Variants in CHN1 observed in about 807,000 individuals in gnomAD.
CHN1 encodes chimerin 1, also known as N-chimaerin.
Under a neutral mutation model 59.5 loss-of-function variants are expected in CHN1, and 37 were observed. The observed-to-expected ratio is 0.62, with a 90% CI of 0.48 to 0.82. The LOEUF is 0.82. Ranked by LOEUF, CHN1 falls within the 40% of genes least tolerant of loss-of-function variation. CHN1 has a pLI of 0.00. For missense variants in CHN1, 469 were observed against 571.0 expected, an observed-to-expected ratio of 0.82 and a Z score of 1.82; for synonymous variants, 206 against 200.4, an observed-to-expected ratio of 1.03 and a Z score of -0.24.
intron 1 of CHN1, among the ~76,000 whole-genome samples, chr2:174,959,875 G>A (rs1690342291): frequency 6.6e-6 from 1 of 152,208 alleles, no homozygotes; most frequent in African/African-American, 2.4e-5. Flanking sequence ...TGCGGTGACT[G>A]CTGTGACCTG....
intron 3 of CHN1, among the ~76,000 whole-genome samples, chr2:174,941,538 C>T (rs921197500): frequency 6.6e-5 from 10 of 152,090 alleles, no homozygotes; most frequent in Non-Finnish European, 1.5e-4. Flanking sequence ...TTGCTCTATC[C>T]TATATTACAA....
At chr2:174,821,754 G>A (rs1223905065) in intron 8 of CHN1, 5 of 460,808 alleles carry the variant, frequency 1.1e-5, no homozygotes, top group African/African-American at 1.0e-4. Context: ...CTGCCAGCTT[G>A]ATCTTGGACT....
chr2:174,995,630 A>C (rs1207552885), intron 1 of CHN1, among the ~76,000 whole-genome samples: 1 of 152,126 alleles, frequency 6.6e-6, no homozygotes. Context: ...CTGATCTGAC[A>C]GGGGGTGGAG....
chr2:174,958,635 GCTCTGTGACTTTAGAAAATTTACTACCT>G (rs1214169048), intron 1 of CHN1, among the ~76,000 whole-genome samples: 1 of 152,084 alleles, frequency 6.6e-6, no homozygotes, highest in Non-Finnish European at 1.5e-5. Flanking sequence ...ACCTTTACTT[GCTCTGTGACTTTAGAAAATTTACTACCT>G]CTCTGCATCT....
rs1574126085 is a variant in CHN1, at chr2:174,885,072, G to A, written c.261-6944C>T. ...GGAGGCCAAGGTGGGCGGATCACGA[G>A]GTCAGGAGATCAAGACCATCCTGGC... On this transcript the variant is annotated intron_variant, in intron 5 of 12. Coordinates refer to ENST00000409900, the MANE Select transcript of CHN1 (RefSeq NM_001822.7). 4.0e-5 allele frequency among the ~76,000 whole-genome samples: 6 copies of A among 151,692 alleles called. No individual in the cohort carries two copies. The South Asian group carries it at 1.3e-3, about 32-fold the overall frequency.
intron 1 of CHN1, among the ~76,000 whole-genome samples, chr2:174,986,042 T>C (rs1225019168): frequency 6.6e-6 from 1 of 152,194 alleles, no homozygotes; most frequent in Non-Finnish European, 1.5e-5. Flanking sequence ...CATCCATAAC[T>C]ATAATAAACT....
intron 5 of CHN1, among the ~76,000 whole-genome samples, chr2:174,910,676 G>C (rs184441746): frequency 6.6e-6 from 1 of 152,094 alleles, no homozygotes; most frequent in African/African-American, 2.4e-5. Flanking sequence ...AATGGGTTAT[G>C]ATTGCATTTA....
chr2:174,847,613 G>A, intron 6 of CHN1: 1 of 1,317,898 alleles, frequency 7.6e-7, no homozygotes, highest in South Asian at 1.3e-5. Context: ...GTGGGGGGAA[G>A]GGAGGGATTT....
At chr2:174,923,163 CGGAG>C (rs1197736324) in intron 3 of CHN1, among the ~76,000 whole-genome samples, 2 of 150,448 alleles carry the variant, frequency 1.3e-5, no homozygotes, top group Admixed American at 6.6e-5. Flanking sequence ...CTTTTTGAGA[CGGAG>C]TCTCGCTCTG....
intron 5 of CHN1, among the ~76,000 whole-genome samples, chr2:174,891,897 TA>T (rs1205326172): frequency 2.0e-5 from 3 of 151,934 alleles, no homozygotes; most frequent in African/African-American, 7.2e-5. Context: ...TAGCAAAGAC[TA>T]AAATCAGAAG....
At position 174,955,194 on chromosome 2, in the gene CHN1, ATATATAATTGATATATATATATATC is replaced by A. The variant is rs1306712717; in HGVS notation, c.20-3017_20-2993del. Among the ~76,000 whole-genome samples the A allele has an allele frequency of 2.8e-3, 415 of 145,694 alleles. 1 individual carries two copies. The highest frequency in any genetic ancestry group is 9.7e-3 in the African/African-American group (384 of 39,722). Reference sequence around the variant, plus strand: ...TCTATATATCTATATCTATATATATATATATAATTGATATATATATATATCTATATAGATATAGATATATAGAGAT... The same window carrying A: ...TCTATATATCTATATCTATATATATATATATAGATATAGATATATAGAGAT... On this transcript the variant is annotated intron_variant, in intron 1 of 12. Coordinates refer to ENST00000409900, the MANE Select transcript of CHN1 (RefSeq NM_001822.7).
intron 1 of CHN1, among the ~76,000 whole-genome samples, chr2:174,972,247 T>C (rs1249280692): frequency 6.6e-6 from 1 of 152,120 alleles, no homozygotes; most frequent in Non-Finnish European, 1.5e-5. Context: ...AAAAGAGTTG[T>C]CATCTCACTC....
intron 8 of CHN1, among the ~76,000 whole-genome samples, chr2:174,823,496 T>C (rs1478233669): frequency 6.6e-6 from 1 of 152,064 alleles, no homozygotes; most frequent in Non-Finnish European, 1.5e-5. Context: ...ACCCCGTCTC[T>C]ACTAAAAATA....
intron 5 of CHN1, among the ~76,000 whole-genome samples, chr2:174,889,955 A>G (rs1355448759): frequency 6.6e-6 from 1 of 151,516 alleles, no homozygotes; most frequent in African/African-American, 2.4e-5. Context: ...TGAGAAGGGA[A>G]TCAAACCATA....
intron 6 of CHN1, among the ~76,000 whole-genome samples, chr2:174,868,892 C>A (rs189053509): frequency 1.3e-5 from 2 of 152,322 alleles, no homozygotes; most frequent in East Asian, 3.9e-4. Context: ...TTGAGTTAGA[C>A]TGTGAGAGGG....
At chr2:174,885,604 G>A (rs138712274) in intron 5 of CHN1, among the ~76,000 whole-genome samples, 136 of 151,984 alleles carry the variant, frequency 8.9e-4, no homozygotes, top group African/African-American at 3.1e-3. Flanking sequence ...AAGTAATCCC[G>A]AGTAGCTGGG....
intron 2 of CHN1, among the ~76,000 whole-genome samples, chr2:174,945,662 T>C (rs190168338): frequency 6.6e-6 from 1 of 152,232 alleles, no homozygotes; most frequent in East Asian, 1.9e-4. Flanking sequence ...TAAGTTTATC[T>C]CTTAGAGATT....
At chr2:174,992,440 TAGGAAAGGG>T (rs1191004245) in intron 1 of CHN1, among the ~76,000 whole-genome samples, 1 of 151,932 alleles carries the variant, frequency 6.6e-6, no homozygotes, top group Non-Finnish European at 1.5e-5. Context: ...AACTGAAGCA[TAGGAAAGGG>T]AGGAAAAGGA....
At chr2:174,844,542 A>C (rs915389770) in intron 7 of CHN1, among the ~76,000 whole-genome samples, 1 of 152,234 alleles carries the variant, frequency 6.6e-6, no homozygotes, top group Non-Finnish European at 1.5e-5. Flanking sequence ...CATAATGACA[A>C]GGATACATGA....
Sources: gnomAD v4.1 joint callset for allele counts (sites outside exome capture counted in the v4.1 genomes callset) on GRCh38, gnomAD v4.1.1 for gene constraint, MANE v1.5 for transcripts, NCBI Gene and HGNC (gene_info 2026-07-23, HGNC 2026-07-21) for gene names.